NKAIN2: variants seen among roughly 807,000 people sequenced by gnomAD.
NKAIN2 encodes the protein sodium/potassium-transporting ATPase subunit beta-1-interacting protein 2.
Under a neutral mutation model 32.6 loss-of-function variants are expected in NKAIN2, and 14 were observed. That is an observed-to-expected ratio of 0.43 (90% CI 0.28 to 0.67). The LOEUF (loss-of-function observed/expected upper bound fraction) is 0.67, where lower values mean the gene tolerates loss of function less well. Ranked by LOEUF, NKAIN2 falls within the 30% of genes least tolerant of loss-of-function variation. The pLI is 0.17. For missense variants in NKAIN2, 198 were observed against 258.3 expected (o/e 0.77, Z 1.60); for synonymous variants, 80 against 87.2 (o/e 0.92, Z 0.46).
At chr6:124,605,396 C>A (rs186320954) in intron 3 of NKAIN2, among the ~76,000 whole-genome samples, 6 of 152,122 alleles carry the variant, frequency 3.9e-5, no homozygotes, top group Admixed American at 3.9e-4. Flanking sequence ...TCCTCTGTAG[C>A]ATGCAAGCTT....
At chr6:124,392,624 G>A (rs1469419754) in intron 3 of NKAIN2, among the ~76,000 whole-genome samples, 1 of 152,064 alleles carries the variant, frequency 6.6e-6, no homozygotes, top group Non-Finnish European at 1.5e-5. Flanking sequence ...GTGGAAGCAC[G>A]CTCACTACAG....
intron 4 of NKAIN2, among the ~76,000 whole-genome samples, chr6:124,787,751 T>TCATAG (rs1341280996): frequency 6.6e-6 from 1 of 152,076 alleles, no homozygotes. Context: ...AATGGCATAG[T>TCATAG]TCCATTGGCA....
rs572607478 is a variant in NKAIN2 at position 124,192,842 on chromosome 6, C to T, written c.55-90163C>T. Among the ~76,000 whole-genome samples the T allele has an allele frequency of 3.3e-5, 5 of 150,818 alleles. No homozygotes were observed. In the East Asian group the frequency reaches 5.9e-4, roughly 18 times the overall value. On this transcript the variant is annotated intron_variant, in intron 1 of 6. Coordinates refer to ENST00000368417, the MANE Select transcript of NKAIN2 (RefSeq NM_001040214.3). ...TCGGCTCACTGCAAGCTCCGCCTCC[C>T]GGGTTCACGCCATTCTCCTGCCTCA...
At chr6:123,900,283 A>C (rs1774496678) in intron 1 of NKAIN2, among the ~76,000 whole-genome samples, 1 of 151,948 alleles carries the variant, frequency 6.6e-6, no homozygotes, top group African/African-American at 2.4e-5. Context: ...CATCCTGTCC[A>C]ACATGGTGAA....
chr6:124,345,751 G>A (rs1243061927), intron 2 of NKAIN2, among the ~76,000 whole-genome samples: 1 of 151,622 alleles, frequency 6.6e-6, no homozygotes, highest in African/African-American at 2.4e-5. Context: ...CTTGCTAGCG[G>A]TCTATCAATT....
At chr6:124,009,527 A>G (rs1780226793) in intron 1 of NKAIN2, among the ~76,000 whole-genome samples, 1 of 151,706 alleles carries the variant, frequency 6.6e-6, no homozygotes. Context: ...CATACCCTAC[A>G]ATGTCTTGTC....
At chr6:124,050,493 C>G (rs1326009858) in intron 1 of NKAIN2, among the ~76,000 whole-genome samples, 1 of 151,990 alleles carries the variant, frequency 6.6e-6, no homozygotes, top group Non-Finnish European at 1.5e-5. Context: ...ACTGAGAAAG[C>G]TGGGTCAGAA....
At position 124,563,583 on chromosome 6, in the gene NKAIN2, G is replaced by A. The variant is rs536814707; in HGVS notation, c.274-94603G>A. Among the ~76,000 whole-genome samples, 7 of 152,246 alleles carry A rather than the reference G, an allele frequency of 4.6e-5. No homozygotes were observed. In the South Asian group the frequency reaches 1.2e-3, roughly 27 times the overall value. The stretch of plus-strand genomic sequence containing the variant: ...AAATGCAATCAAGGTTGTGTTCCCT[G>A]TAAAACCAGGGTTCGTTTGCCTGGA... On this transcript the variant is annotated intron_variant, in intron 3 of 6. Transcript: ENST00000368417.
intron 4 of NKAIN2, among the ~76,000 whole-genome samples, chr6:124,711,380 G>T (rs1775447831): frequency 8.2e-6 from 1 of 121,604 alleles, no homozygotes; most frequent in African/African-American, 3.2e-5. Context: ...TGCTAGATTG[G>T]GGAAGTTCTC....
chr6:124,683,239 A>G (rs1166975028), intron 4 of NKAIN2, among the ~76,000 whole-genome samples: 1 of 152,170 alleles, frequency 6.6e-6, no homozygotes, highest in Non-Finnish European at 1.5e-5. Flanking sequence ...CAGATTCTCA[A>G]CCCTTTAAAT....
At chr6:124,479,775 A>T (rs1489134943) in intron 3 of NKAIN2, among the ~76,000 whole-genome samples, 2 of 134,020 alleles carry the variant, frequency 1.5e-5, no homozygotes, top group African/African-American at 6.5e-5. Context: ...TAATACTGTT[A>T]GTGTATTTTT....
intron 3 of NKAIN2, among the ~76,000 whole-genome samples, chr6:124,501,872 A>T (rs1343495631): frequency 6.6e-6 from 1 of 152,036 alleles, no homozygotes; most frequent in African/African-American, 2.4e-5. Flanking sequence ...TAGAACACAT[A>T]ATACAAATTT....
At chr6:124,161,138 G>A (rs551517076) in intron 1 of NKAIN2, among the ~76,000 whole-genome samples, 46 of 152,180 alleles carry the variant, frequency 3.0e-4, no homozygotes, top group African/African-American at 7.9e-4. Flanking sequence ...AATGACTCAC[G>A]TTCTGCCTGC....
At chr6:124,227,460 T>C (rs1182762255) in intron 1 of NKAIN2, among the ~76,000 whole-genome samples, 1 of 152,228 alleles carries the variant, frequency 6.6e-6, no homozygotes, top group Admixed American at 6.5e-5. Context: ...CTAAGCTTTG[T>C]ATTTTATCTT....
At chr6:124,710,877 T>C (rs1176185849) in intron 4 of NKAIN2, among the ~76,000 whole-genome samples, 1 of 151,516 alleles carries the variant, frequency 6.6e-6, no homozygotes, top group Admixed American at 6.6e-5. Context: ...GTCATTATGA[T>C]GTTAGCTGCT....
At chr6:124,219,791 G>T (rs917966343) in intron 1 of NKAIN2, among the ~76,000 whole-genome samples, 2 of 151,988 alleles carry the variant, frequency 1.3e-5, no homozygotes, top group Admixed American at 6.6e-5. Flanking sequence ...TCAGTGAAAT[G>T]GTTGAAAGCT....
At chr6:124,683,785 G>T (rs1023927992) in intron 4 of NKAIN2, among the ~76,000 whole-genome samples, 1 of 152,138 alleles carries the variant, frequency 6.6e-6, no homozygotes, top group African/African-American at 2.4e-5. Flanking sequence ...CTTATTCACA[G>T]CAAGTAGGAA....
chr6:124,628,268 G>C (rs1783431867), intron 3 of NKAIN2, among the ~76,000 whole-genome samples: 1 of 122,738 alleles, frequency 8.1e-6, no homozygotes, highest in Non-Finnish European at 1.7e-5. Context: ...TTACCTTTAA[G>C]TATTTTTTTT....
Position 124,172,145 on chromosome 6 carries a change from G to A in NKAIN2, c.55-110860G>A, listed in dbSNP as rs1195973531. Among the ~76,000 whole-genome samples, 5 of 152,096 alleles carry A rather than the reference G, an allele frequency of 3.3e-5. No individual in the cohort carries two copies. In the South Asian group the frequency reaches 8.3e-4, roughly 25 times the overall value. On this transcript the variant is annotated intron_variant, in intron 1 of 6. Coordinates refer to ENST00000368417, the MANE Select transcript of NKAIN2 (RefSeq NM_001040214.3). ...TTTTAATGATAGTGAAGTTGAACAA[G>A]TTTTTTGCATTTTTGGAAACAGATT... is the stretch of plus-strand genomic sequence containing the variant.
Sources: gnomAD v4.1 joint callset for allele counts (sites outside exome capture counted in the v4.1 genomes callset) on GRCh38, gnomAD v4.1.1 for gene constraint, MANE v1.5 for transcripts, NCBI Gene and HGNC (gene_info 2026-07-23, HGNC 2026-07-21) for gene names.